Variants in KCTD8 observed in about 807,000 individuals in gnomAD.
KCTD8 encodes BTB/POZ domain-containing protein KCTD8.
KCTD8 carries 27 observed loss-of-function variants against 31.5 expected under a neutral mutation model. The observed-to-expected ratio is 0.86, with a 90% CI of 0.63 to 1.18. The LOEUF (loss-of-function observed/expected upper bound fraction) is 1.18. Among genes scored for constraint, KCTD8 ranks in the 50% most tolerant of loss-of-function variants. The pLI is 0.00. For synonymous variants in KCTD8, 290 were observed against 280.0 expected (o/e 1.04, Z -0.36); for missense variants, 658 against 647.7 (o/e 1.02, Z -0.17).
At chr4:44,227,569 G>C (rs1159456015) in intron 1 of KCTD8, among the ~76,000 whole-genome samples, 1 of 152,128 alleles carries the variant, frequency 6.6e-6, no homozygotes, top group South Asian at 2.1e-4. Flanking sequence ...GTTGCATTTG[G>C]TGAAACCCAC....
chr4:44,219,562 G>A (rs1714746614), intron 1 of KCTD8, among the ~76,000 whole-genome samples: 1 of 152,158 alleles, frequency 6.6e-6, no homozygotes, highest in Non-Finnish European at 1.5e-5. Flanking sequence ...GTCAAGGAAT[G>A]CCAAGGACTG....
Position 44,373,037 on chromosome 4 carries a change from C to T in KCTD8, c.961+74526G>A, listed in dbSNP as rs183672256. Among the ~76,000 whole-genome samples the T allele has an allele frequency of 3.2e-4, 48 of 152,212 alleles. No individual in the cohort carries two copies. The East Asian group carries it at 7.7e-3, about 25-fold the overall frequency. On this transcript the variant is annotated intron_variant, in intron 1 of 1. Transcript: ENST00000360029. Reference sequence around the variant, plus strand: ...TACAAATTTGCCATCTCTTTCACCACATTTACAATGCTCATAGACTAAGAT... The same window carrying T: ...TACAAATTTGCCATCTCTTTCACCATATTTACAATGCTCATAGACTAAGAT...
intron 1 of KCTD8, among the ~76,000 whole-genome samples, chr4:44,199,955 G>C (rs1420635693): frequency 2.0e-5 from 3 of 151,672 alleles, no homozygotes; most frequent in Non-Finnish European, 4.4e-5. Context: ...AATGCAATCA[G>C]AAATCATGAA....
intron 1 of KCTD8, among the ~76,000 whole-genome samples, chr4:44,192,417 C>T (rs1033519756): frequency 7.3e-5 from 11 of 150,278 alleles, no homozygotes; most frequent in African/African-American, 2.7e-4. Context: ...CTCGTATGTC[C>T]TGAGGGGAAA....
intron 1 of KCTD8, among the ~76,000 whole-genome samples, chr4:44,236,985 T>G (rs1396577317): frequency 6.6e-6 from 1 of 152,206 alleles, no homozygotes; most frequent in African/African-American, 2.4e-5. Context: ...CCACCATGAT[T>G]GTGAGGCCTC....
At chr4:44,384,364 C>T (rs1720153849) in intron 1 of KCTD8, among the ~76,000 whole-genome samples, 2 of 151,814 alleles carry the variant, frequency 1.3e-5, no homozygotes, top group African/African-American at 4.8e-5. Flanking sequence ...TATTAGAGCA[C>T]TATTCACAAT....
chr4:44,373,570 T>C (rs1719844879), intron 1 of KCTD8, among the ~76,000 whole-genome samples: 1 of 152,190 alleles, frequency 6.6e-6, no homozygotes, highest in Non-Finnish European at 1.5e-5. Flanking sequence ...TTTTAAAGCA[T>C]TTATTATGTA....
chr4:44,264,875 C>G (rs925716281), intron 1 of KCTD8, among the ~76,000 whole-genome samples: 1 of 152,184 alleles, frequency 6.6e-6, no homozygotes, highest in Non-Finnish European at 1.5e-5. Flanking sequence ...CTTAGGTAAA[C>G]AAAGCAGCTG....
chr4:44,315,955 T>A (rs747904337), intron 1 of KCTD8, among the ~76,000 whole-genome samples: 5 of 152,188 alleles, frequency 3.3e-5, no homozygotes, highest in African/African-American at 4.8e-5. Flanking sequence ...TTGCCTGATG[T>A]TGTTCAGCAA....
chr4:44,266,138 A>G (rs1400073610), intron 1 of KCTD8, among the ~76,000 whole-genome samples: 1 of 152,202 alleles, frequency 6.6e-6, no homozygotes, highest in Non-Finnish European at 1.5e-5. Flanking sequence ...AAGAGCAGCC[A>G]GAGAGAAAGG....
intron 1 of KCTD8, among the ~76,000 whole-genome samples, chr4:44,290,189 T>G (rs1406844508): frequency 6.6e-6 from 1 of 151,794 alleles, no homozygotes; most frequent in Non-Finnish European, 1.5e-5. Context: ...AAACAGACTT[T>G]AAAGCAACAA....
intron 1 of KCTD8, among the ~76,000 whole-genome samples, chr4:44,342,366 C>CAAAA (rs34201696): frequency 4.5e-4 from 39 of 87,368 alleles, no homozygotes; most frequent in Middle Eastern, 7.4e-3. Context: ...AAGACTGTCT[C>CAAAA]AAAAAAAAAA....
intron 1 of KCTD8, among the ~76,000 whole-genome samples, chr4:44,380,354 T>C (rs1043293657): frequency 6.6e-6 from 1 of 150,404 alleles, no homozygotes; most frequent in African/African-American, 2.4e-5. Flanking sequence ...ATCTATTAAA[T>C]AGTTTGACCA....
intron 1 of KCTD8, among the ~76,000 whole-genome samples, chr4:44,200,200 A>G (rs1231841525): frequency 6.6e-6 from 1 of 151,886 alleles, no homozygotes; most frequent in Non-Finnish European, 1.5e-5. Flanking sequence ...CCTGGACAAG[A>G]TGTATTTACA....
intron 1 of KCTD8, among the ~76,000 whole-genome samples, chr4:44,344,735 T>A (rs542971607): frequency 1.3e-5 from 2 of 152,308 alleles, no homozygotes; most frequent in East Asian, 3.9e-4. Flanking sequence ...ATTCACAATA[T>A]GCTTATATTA....
At chr4:44,226,409 T>C (rs370463002) in intron 1 of KCTD8, among the ~76,000 whole-genome samples, 96 of 152,352 alleles carry the variant, frequency 6.3e-4, no homozygotes, top group East Asian at 3.9e-3. Flanking sequence ...CCATGTTATA[T>C]ATGTACCAGA....
intron 1 of KCTD8, among the ~76,000 whole-genome samples, chr4:44,290,507 A>G (rs1007933129): frequency 6.6e-6 from 1 of 152,208 alleles, no homozygotes; most frequent in Non-Finnish European, 1.5e-5. Context: ...CACAGATTAT[A>G]TATTCTTCTC....
rs780753976 is a variant in KCTD8 at position 44,448,417 on chromosome 4, G to A, written c.107C>T (p.Pro36Leu). 1 of 1,567,108 alleles carries A rather than the reference G, an allele frequency of 6.4e-7. No homozygotes were observed. The highest frequency in any genetic ancestry group is 8.6e-7 in the Non-Finnish European group (1 of 1,162,712). The part of the protein sequence containing the change: ...PGASAAAAPG[P>L]CAPSPFPEVV... ...TTCAGGGAAGGGCGAGGGTGCGCAGGGCCCCGGGGCGGCGGCGGCCGACGC... is the reference window on the plus strand; with the variant it reads ...TTCAGGGAAGGGCGAGGGTGCGCAGAGCCCCGGGGCGGCGGCGGCCGACGC... Residue 36 changes from proline (P) to leucine (L), a missense_variant, in exon 1 of 2, where the codon CCC becomes CTC. Coordinates refer to ENST00000360029, the MANE Select transcript of KCTD8 (RefSeq NM_198353.3). The surrounding 1 kb of genome is among the most constrained non-coding windows in gnomAD (Gnocchi z 4.1).
At chr4:44,301,062 C>T (rs1365793734) in intron 1 of KCTD8, among the ~76,000 whole-genome samples, 1 of 151,782 alleles carries the variant, frequency 6.6e-6, no homozygotes. Flanking sequence ...TTTTTTATGG[C>T]TGCATAGTAT....
Sources: allele counts gnomAD v4.1 joint callset (sites outside exome capture counted in the v4.1 genomes callset), GRCh38; gene constraint gnomAD v4.1.1; non-coding constraint Gnocchi (gnomAD v3.1); transcripts MANE v1.5; gene names NCBI Gene and HGNC (gene_info 2026-07-23, HGNC 2026-07-21).